ARHGEF10L: variants seen among roughly 807,000 people sequenced by gnomAD.
The protein encoded by ARHGEF10L is Rho guanine nucleotide exchange factor 10 like, also known as rho guanine nucleotide exchange factor 10-like protein.
A neutral mutation model predicts 141.2 loss-of-function variants in ARHGEF10L; 69 were observed. The observed-to-expected ratio is 0.49, with a 90% CI of 0.40 to 0.60. ARHGEF10L has a LOEUF of 0.60. Among genes scored for constraint, ARHGEF10L ranks in the 20% least tolerant of loss-of-function variants. The pLI, the probability that ARHGEF10L is intolerant of heterozygous loss-of-function variation, is 0.00. For synonymous variants in ARHGEF10L, 711 were observed against 718.5 expected, an observed-to-expected ratio of 0.99 and a Z score of 0.17; for missense variants, 1,482 against 1,734.3, an observed-to-expected ratio of 0.85 and a Z score of 2.58.
chr1:17,600,505 C>T (rs1468772529), intron 4 of ARHGEF10L, among the ~76,000 whole-genome samples: 1 of 152,210 alleles, frequency 6.6e-6, no homozygotes, highest in Non-Finnish European at 1.5e-5. Context: ...ACATACCCCT[C>T]ATCCAGCTTC....
At chr1:17,520,109 G>A in the ARHGEF10L span, among the ~76,000 whole-genome samples, 340 of 152,302 alleles carry the variant, frequency 2.2e-3, 7 homozygotes, top group Non-Finnish European at 4.7e-4. Context: ...CCCCATCTTG[G>A]TTCTTGCCCC....
chr1:17,559,792 G>C (rs1381669949), intron 1 of ARHGEF10L, among the ~76,000 whole-genome samples: 4 of 152,160 alleles, frequency 2.6e-5, no homozygotes, highest in African/African-American at 9.7e-5. Flanking sequence ...GGTCAGGCTG[G>C]TGCCATTTCA....
chr1:17,526,506 G>A, the ARHGEF10L span, among the ~76,000 whole-genome samples: 3 of 152,200 alleles, frequency 2.0e-5, no homozygotes, highest in Non-Finnish European at 4.4e-5. Flanking sequence ...AGAGGGTTAT[G>A]AGTTATCCCA....
chr1:17,618,567 T>C, intron 9 of ARHGEF10L: 1 of 1,295,172 alleles, frequency 7.7e-7, no homozygotes, highest in Middle Eastern at 2.5e-4. Context: ...ACCCTTGGGG[T>C]TGCTGCCGCT....
chr1:17,544,456 G>A (rs888301124), intron 1 of ARHGEF10L, among the ~76,000 whole-genome samples: 31 of 150,470 alleles, frequency 2.1e-4, no homozygotes, highest in African/African-American at 6.1e-4. Flanking sequence ...CACTACTCCC[G>A]GCTAATTTTT....
chr1:17,582,215 T>G (rs946832662), intron 2 of ARHGEF10L, among the ~76,000 whole-genome samples: 1 of 152,170 alleles, frequency 6.6e-6, no homozygotes, highest in African/African-American at 2.4e-5. Context: ...GGTCCCAGCA[T>G]GCCTGGCCTT....
chr1:17,648,678 G>A lies in ARHGEF10L; in HGVS notation c.2394+3G>A. The A allele has an allele frequency of 2.5e-6, 4 of 1,612,350 alleles. No homozygotes were observed. In the East Asian group the frequency reaches 6.7e-5, roughly 27 times the overall value. On this transcript the variant is annotated splice_donor_region_variant and intron_variant, in intron 22 of 28. Coordinates refer to ENST00000361221, the MANE Select transcript of ARHGEF10L (RefSeq NM_018125.4). ...CCTCCCGGGCACTCAGCCTGCAGGT[G>A]AGTGGAGCGGATCTTGCTGAGCCGA...
At chr1:17,580,289 A>C (rs1272038198) in intron 1 of ARHGEF10L, among the ~76,000 whole-genome samples, 1 of 152,218 alleles carries the variant, frequency 6.6e-6, no homozygotes, top group South Asian at 2.1e-4. Flanking sequence ...GACACCCAGC[A>C]GGTCCCTGCA....
At position 17,625,159 on chromosome 1, in the gene ARHGEF10L, G is replaced by A. The variant is rs1402864834; in HGVS notation, c.1317+656G>A. On this transcript the variant is annotated intron_variant, in intron 13 of 28. Transcript: ENST00000361221. This position sits in a 1 kb window ranked among gnomAD's most constrained non-coding sequence, Gnocchi z 4.5. ...ATCAAAGAGAACAGGGGATCAGGAG[G>A]AGCCACCATCTGACATGGGCCCTGG... Among the ~76,000 whole-genome samples, 1 of 152,248 alleles carries A rather than the reference G, an allele frequency of 6.6e-6. No homozygotes were observed. The highest frequency in any genetic ancestry group is 1.5e-5 in the Non-Finnish European group (1 of 68,050).
intron 22 of ARHGEF10L, among the ~76,000 whole-genome samples, chr1:17,652,860 G>A (rs1044559830): frequency 6.6e-6 from 1 of 152,138 alleles, no homozygotes; most frequent in Non-Finnish European, 1.5e-5. Context: ...GACCCACAGG[G>A]GGTCTGTGGC....
At chr1:17,618,343 A>T in intron 9 of ARHGEF10L, 1 of 1,534,916 alleles carries the variant, frequency 6.5e-7, no homozygotes, top group Non-Finnish European at 8.8e-7. Context: ...GGCTCGAATC[A>T]CAGGCCAAGA....
chr1:17,546,362 G>A (rs2076915519), intron 1 of ARHGEF10L, among the ~76,000 whole-genome samples: 1 of 152,172 alleles, frequency 6.6e-6, no homozygotes, highest in Admixed American at 6.5e-5. Flanking sequence ...AGATAATTGA[G>A]AACTTGTTTG....
rs1438486013 is a variant in ARHGEF10L, at chr1:17,644,811, C to T, written c.2273-3743C>T. 6.6e-6 allele frequency among the ~76,000 whole-genome samples: 1 copy of T among 152,172 alleles called. No individual in the cohort carries two copies. The highest frequency in any genetic ancestry group is 1.5e-5 in the Non-Finnish European group (1 of 68,032). ...ACAGTCAGACCATGAGCAGCGAGGA[C>T]AGTGACCACCATGGCTGCTATTTCC... On this transcript the variant is annotated intron_variant, in intron 21 of 28. Coordinates refer to ENST00000361221, the MANE Select transcript of ARHGEF10L (RefSeq NM_018125.4). The surrounding 1 kb of genome is among the most constrained non-coding windows in gnomAD (Gnocchi z 4.5).
At chr1:17,577,909 CTCTT>C (rs1399711118) in intron 1 of ARHGEF10L, among the ~76,000 whole-genome samples, 1 of 152,170 alleles carries the variant, frequency 6.6e-6, no homozygotes, top group Non-Finnish European at 1.5e-5. Context: ...GTTGGTGTCT[CTCTT>C]CCTTTCTAGG....
At chr1:17,634,379 C>A in intron 16 of ARHGEF10L, 169 bp from the exon 17 acceptor site, 2 of 1,054,778 alleles carry the variant, frequency 1.9e-6, no homozygotes, top group Non-Finnish European at 2.9e-6. Context: ...AAGGAAGGCC[C>A]GCTTCTGTCC....
intron 18 of ARHGEF10L, among the ~76,000 whole-genome samples, chr1:17,636,802 T>A (rs796791730): frequency 6.6e-6 from 1 of 152,022 alleles, no homozygotes; most frequent in African/African-American, 2.4e-5. Flanking sequence ...AAACCCCAAA[T>A]AAGGCTTCCC....
intron 28 of ARHGEF10L, 129 bp downstream of exon 28, chr1:17,695,409 C>A: frequency 1.5e-6 from 2 of 1,312,020 alleles, no homozygotes; most frequent in Non-Finnish European, 1.0e-6. Flanking sequence ...AGCTTCCTCT[C>A]ATCTCAGGTG....
At chr1:17,584,712 T>A (rs906249015) in intron 2 of ARHGEF10L, among the ~76,000 whole-genome samples, 2 of 152,152 alleles carry the variant, frequency 1.3e-5, no homozygotes, top group African/African-American at 2.4e-5. Context: ...AGGAAGAACG[T>A]GCTAGGCCCT....
At position 17,697,414 on chromosome 1, in the gene ARHGEF10L, A is replaced by G; in HGVS notation, c.*34A>G. 1.9e-6 allele frequency: 3 copies of G among 1,551,196 alleles called. No homozygotes were observed. The highest frequency in any genetic ancestry group is 2.6e-6 in the Non-Finnish European group (3 of 1,147,162). The stretch of plus-strand genomic sequence containing the variant: ...CTCTCCCCTCAGAGGGCACAGCTGC[A>G]GGCCTGACCAAGGCCACGCCCGGCT... On this transcript the variant is annotated 3_prime_UTR_variant, in exon 29 of 29. Transcript: ENST00000361221. This position sits in a 1 kb window ranked among gnomAD's most constrained non-coding sequence, Gnocchi z 4.8.
Sources: allele counts gnomAD v4.1 joint callset (sites outside exome capture counted in the v4.1 genomes callset), GRCh38; gene constraint gnomAD v4.1.1; non-coding constraint Gnocchi (gnomAD v3.1); transcripts MANE v1.5; gene names NCBI Gene and HGNC (gene_info 2026-07-23, HGNC 2026-07-21).